The following PSIP1 variants were observed in gnomAD, a reference collection of about 807,000 sequenced individuals.
The protein encoded by PSIP1 is PC4 and SRSF1 interacting protein 1.
PSIP1 carries 19 observed loss-of-function variants against 74.7 expected under a neutral mutation model. The observed-to-expected ratio is 0.25, with a 90% CI of 0.18 to 0.37. The LOEUF is 0.37. Among genes scored for constraint, PSIP1 ranks in the 10% least tolerant of loss-of-function variants. The pLI is 1.00. For missense variants in PSIP1, 601 were observed against 614.3 expected, an observed-to-expected ratio of 0.98 and a Z score of 0.23; for synonymous variants, 222 against 195.3, an observed-to-expected ratio of 1.14 and a Z score of -1.14.
At chr9:15,510,457 C>G in intron 1 of PSIP1, 128 bp from the exon 2 acceptor site, 1 of 389,060 alleles carries the variant, frequency 2.6e-6, no homozygotes, top group South Asian at 4.7e-5. Context: ...TCCTCCCCCG[C>G]CAGTGCGCTG....
intron 5 of PSIP1, among the ~76,000 whole-genome samples, 167 bp downstream of exon 5, chr9:15,486,660 G>C (rs1396561302): frequency 1.3e-5 from 2 of 152,120 alleles, no homozygotes; most frequent in Non-Finnish European, 2.9e-5. Flanking sequence ...TAAGTTGTTT[G>C]ACAATACTGT....
At chr9:15,481,066 A>C (rs912723542) in intron 6 of PSIP1, among the ~76,000 whole-genome samples, 2 of 152,248 alleles carry the variant, frequency 1.3e-5, no homozygotes, top group African/African-American at 2.4e-5. Context: ...CATCTAAGGT[A>C]ACCCTTGAGT....
rs927786839 is a variant in PSIP1, at chr9:15,494,497, G to A, written c.150-4373C>T. ...ATAGAATCGCTTGAACCCGGGAGGCGGAGGTTGTGGTGAGCCAAGATCACA... is the reference window on the plus strand; with the variant it reads ...ATAGAATCGCTTGAACCCGGGAGGCAGAGGTTGTGGTGAGCCAAGATCACA... On this transcript the variant is annotated intron_variant, in intron 3 of 15. Coordinates refer to ENST00000380733, the MANE Select transcript of PSIP1 (RefSeq NM_033222.5). 1.1e-4 allele frequency among the ~76,000 whole-genome samples: 17 copies of A among 149,418 alleles called. No homozygotes were observed. The East Asian group carries it at 1.2e-3, about 10-fold the overall frequency.
At chr9:15,480,695 G>C (rs1018191617) in intron 6 of PSIP1, among the ~76,000 whole-genome samples, 1 of 152,246 alleles carries the variant, frequency 6.6e-6, no homozygotes, top group African/African-American at 2.4e-5. Context: ...GCCAAGGTGA[G>C]TGGATCACTT....
chr9:15,465,751 C>T, intron 15 of PSIP1, 171 bp from the exon 16 acceptor site: 1 of 539,294 alleles, frequency 1.9e-6, no homozygotes, highest in Non-Finnish European at 3.2e-6. Context: ...TTTTCTTCTT[C>T]AAAACTGTTA....
chr9:15,473,934 A>T (rs2035960498), intron 9 of PSIP1, 75 bp downstream of exon 9: 1 of 974,172 alleles, frequency 1.0e-6, no homozygotes, highest in East Asian at 3.0e-5. Flanking sequence ...AAACAAAAAA[A>T]AAACAAAGAA....
chr9:15,474,258 A>T (rs1411377960), intron 8 of PSIP1, 21 bp from the exon 9 acceptor site: 6 of 1,560,376 alleles, frequency 3.8e-6, no homozygotes, highest in African/African-American at 1.4e-5. Flanking sequence ...GAACATAACA[A>T]TGTATACTTG....
intron 4 of PSIP1, 98 bp from the exon 5 acceptor site, chr9:15,487,029 C>T: frequency 1.4e-6 from 1 of 706,502 alleles, no homozygotes; most frequent in Non-Finnish European, 2.1e-6. Flanking sequence ...GACAGGGTCT[C>T]ACTCTATCAC....
intron 3 of PSIP1, among the ~76,000 whole-genome samples, chr9:15,498,820 C>G (rs2037202648): frequency 6.6e-6 from 1 of 152,122 alleles, no homozygotes; most frequent in Admixed American, 6.5e-5. Context: ...AAATAACATA[C>G]CAAATGCTTA....
In PSIP1 at chr9:15,469,065, G is replaced by A. The variant is rs2035737886; in HGVS notation, c.1105-7C>T. The A allele has an allele frequency of 3.1e-6, 5 of 1,608,038 alleles. No individual in the cohort carries two copies. In the South Asian group the frequency reaches 3.3e-5, roughly 11 times the overall value. ...CAATGCATCTGTTCACATCCTTCAT[G>A]ACAAAACAGTAATTTCATAGCTGTT... On this transcript the variant is annotated splice_region_variant and splice_polypyrimidine_tract_variant and intron_variant, in intron 12 of 15. Transcript: ENST00000380733.
intron 3 of PSIP1, chr9:15,505,098 A>G (rs2037526698): frequency 6.6e-6 from 1 of 151,710 alleles, no homozygotes; most frequent in Admixed American, 6.6e-5. Context: ...GCCACCACAA[A>G]CGGCTAATTT....
chr9:15,465,400 TCAAAA>T lies in PSIP1; in HGVS notation c.*115_*119del, dbSNP rs1012891611. The stretch of plus-strand genomic sequence containing the variant: ...CTTTAAAACAAAGGGATTTTCTCCC[TCAAAA>T]CAAGTTTTCAACATCAAACCTATGC... On this transcript the variant is annotated 3_prime_UTR_variant, in exon 16 of 16. Transcript: ENST00000380733. 4 of 876,178 alleles carry T rather than the reference TCAAAA, an allele frequency of 4.6e-6. No homozygotes were observed. Among genetic ancestry groups the T allele is most frequent in the African/African-American group, 3.5e-5 (2 of 57,538 alleles). 54.3% of individuals were successfully genotyped at this position (876,178 alleles called of 1,614,324 possible).
intron 8 of PSIP1, among the ~76,000 whole-genome samples, chr9:15,478,019 T>A (rs927962756): frequency 6.6e-6 from 1 of 150,874 alleles, no homozygotes; most frequent in African/African-American, 2.4e-5. Flanking sequence ...TCCCAGCTAC[T>A]TGGGAGGCTA....
chr9:15,492,088 T>C (rs1037784315), intron 3 of PSIP1: 3 of 152,206 alleles, frequency 2.0e-5, no homozygotes, highest in African/African-American at 7.2e-5. Flanking sequence ...TCAAATCTCA[T>C]GTCCTCACAT....
In PSIP1 at chr9:15,505,521, A is replaced by G. The variant is rs1184502959; in HGVS notation, c.149+1040T>C. The G allele has an allele frequency of 2.0e-5, 3 of 151,240 alleles. No individual in the cohort carries two copies. In the South Asian group the frequency reaches 6.2e-4, roughly 31 times the overall value. 9.4% of individuals were successfully genotyped at this position (151,240 alleles called of 1,614,324 possible). ...GATCCAAAGTTGTATTTTTTTAAAA[A>G]CTTATTATGAAATATTGTATGACAC... On this transcript the variant is annotated intron_variant, in intron 3 of 15. Transcript: ENST00000380733.
intron 3 of PSIP1, among the ~76,000 whole-genome samples, chr9:15,495,929 A>G (rs1448676794): frequency 6.6e-6 from 1 of 152,188 alleles, no homozygotes; most frequent in Non-Finnish European, 1.5e-5. Flanking sequence ...TGTTAAATTC[A>G]AATTTCCCAT....
intron 2 of PSIP1, among the ~76,000 whole-genome samples, chr9:15,507,456 T>C (rs958709943): frequency 6.6e-5 from 10 of 152,104 alleles, no homozygotes; most frequent in African/African-American, 2.4e-4. Context: ...AAGACCAGCC[T>C]GACCAATATG....
intron 8 of PSIP1, among the ~76,000 whole-genome samples, chr9:15,478,210 T>G (rs1321222749): frequency 6.6e-6 from 1 of 151,870 alleles, no homozygotes; most frequent in Non-Finnish European, 1.5e-5. Context: ...TCTTGCCCAA[T>G]TTCTCTATTA....
At chr9:15,497,473 T>C (rs2037135713) in intron 3 of PSIP1, among the ~76,000 whole-genome samples, 1 of 152,036 alleles carries the variant, frequency 6.6e-6, no homozygotes, top group Non-Finnish European at 1.5e-5. Flanking sequence ...ATTACAGGCA[T>C]GTGCAACCAC....
Sources: allele counts gnomAD v4.1 joint callset (sites outside exome capture counted in the v4.1 genomes callset), GRCh38; gene constraint gnomAD v4.1.1; transcripts MANE v1.5; gene names NCBI Gene and HGNC (gene_info 2026-07-23, HGNC 2026-07-21).